The following NME8 variants were observed in gnomAD, a reference collection of about 807,000 sequenced individuals.
NME8 encodes NME/NM23 family member 8.
Under a neutral mutation model 82.3 loss-of-function variants are expected in NME8, and 72 were observed. The observed-to-expected ratio is 0.87, with a 90% CI of 0.72 to 1.06. The LOEUF (loss-of-function observed/expected upper bound fraction) is 1.06. NME8 is among the 50% of genes least tolerant of loss of function. The probability of loss-of-function intolerance (pLI) is 0.00; values close to 1 mark genes in which losing one functional copy is unlikely to be tolerated. For synonymous variants in NME8, 267 were observed against 228.5 expected, an observed-to-expected ratio of 1.17 and a Z score of -1.52; for missense variants, 712 against 685.4, an observed-to-expected ratio of 1.04 and a Z score of -0.43.
At chr7:37,875,442 C>T (rs1784833280) in intron 11 of NME8, among the ~76,000 whole-genome samples, 1 of 148,282 alleles carries the variant, frequency 6.7e-6, no homozygotes, top group African/African-American at 2.4e-5. Flanking sequence ...CCATAGCCCC[C>T]ACACACATTG....
intron 12 of NME8, among the ~76,000 whole-genome samples, chr7:37,882,611 GAGAGAAAGAA>G (rs1224188832): frequency 3.7e-3 from 181 of 49,222 alleles, no homozygotes; most frequent in Admixed American, 0.02. Context: ...GAGAGAGAGA[GAGAGAAAGAA>G]AGAAAGAAAG....
intron 14 of NME8, among the ~76,000 whole-genome samples, chr7:37,888,042 C>A (rs1380969902): frequency 6.6e-6 from 1 of 152,138 alleles, no homozygotes; most frequent in Non-Finnish European, 1.5e-5. Context: ...TCATAGTTAT[C>A]TGTTAATATT....
chr7:37,885,062 C>A (rs1259433596), intron 13 of NME8, 83 bp from the exon 14 acceptor site: 8 of 812,586 alleles, frequency 9.8e-6, no homozygotes, highest in Non-Finnish European at 1.7e-5. Context: ...ATCTATTTAA[C>A]AATATGCATT....
intron 5 of NME8, among the ~76,000 whole-genome samples, chr7:37,855,937 TAA>T (rs34245429): frequency 3.4e-5 from 5 of 147,580 alleles, no homozygotes; most frequent in African/African-American, 1.2e-4. Context: ...GAACTTCCTT[TAA>T]AAAAAAAAAC....
In NME8 at chr7:37,876,854, C is replaced by G; in HGVS notation, c.841C>G (p.Gln281Glu). Residue 281 changes from glutamine (Q) to glutamate (E), a missense_variant, in exon 12 of 18, where the codon CAA (glutamine) becomes GAA (glutamate). By Grantham distance (29) the Gln-to-Glu change is conservative. Transcript: ENST00000199447. ...QDSLQEYLER[Q>E]HLAQLCDIEE... Reference sequence around the variant, plus strand: ...CAGTTTACAAGAATATCTGGAAAGACAACATTTAGCTCAGCTCTGTGACAT... The same window carrying G: ...CAGTTTACAAGAATATCTGGAAAGAGAACATTTAGCTCAGCTCTGTGACAT... 6.2e-7 allele frequency: 1 copy of G among 1,612,292 alleles called. No individual in the cohort carries two copies. The highest frequency in any genetic ancestry group is 2.2e-5 in the East Asian group (1 of 44,678).
intron 11 of NME8, among the ~76,000 whole-genome samples, chr7:37,868,232 T>A (rs1562832865): frequency 6.6e-6 from 1 of 152,048 alleles, no homozygotes; most frequent in Non-Finnish European, 1.5e-5. Flanking sequence ...GAGCTCGCCA[T>A]GGTGGATTTT....
In NME8 at chr7:37,850,685, A is replaced by G. The variant is rs766786157; in HGVS notation, c.148A>G (p.Arg50Gly). ...TTGCAGAGCAATGCAACCTTTATTC[A>G]GAAAATTGAAAAATGAACTGAACGA... ...GPCRAMQPLFRKLKNELNEDE... is the reference protein window; with the variant it reads ...GPCRAMQPLFGKLKNELNEDE... The change falls in exon 5 of 18, where the codon AGA becomes GGA. Residue 50 changes from arginine (R) to glycine (G), a missense_variant. Arg to Gly is a moderately radical substitution (Grantham distance 125). Coordinates refer to ENST00000199447, the MANE Select transcript of NME8 (RefSeq NM_016616.5). The G allele has an allele frequency of 5.0e-6, 8 of 1,613,966 alleles. No individual in the cohort carries two copies. The South Asian group carries it at 8.8e-5, about 18-fold the overall frequency.
At position 37,888,245 on chromosome 7, in the gene NME8, A is replaced by G. The variant is rs201024692; in HGVS notation, c.1248-32A>G. 2.1e-4 allele frequency: 330 copies of G among 1,607,980 alleles called. No individual in the cohort carries two copies. In the African/African-American group the frequency reaches 4.2e-3, roughly 20 times the overall value. Reference sequence around the variant, plus strand: ...GTGTTATATTATTCTGTTCTGTTCTAATAGCTTTTAAACCTGACTTCTTTT... The same window carrying G: ...GTGTTATATTATTCTGTTCTGTTCTGATAGCTTTTAAACCTGACTTCTTTT... On this transcript the variant is annotated intron_variant, in intron 14 of 17. Coordinates refer to ENST00000199447, the MANE Select transcript of NME8 (RefSeq NM_016616.5).
intron 16 of NME8, among the ~76,000 whole-genome samples, chr7:37,895,049 A>G (rs977047606): frequency 3.3e-5 from 5 of 152,178 alleles, no homozygotes. Flanking sequence ...TATCTATCTA[A>G]TAGGCTTGTT....
chr7:37,899,693 G>T (rs1785284992), intron 17 of NME8, among the ~76,000 whole-genome samples: 1 of 151,864 alleles, frequency 6.6e-6, no homozygotes, highest in Admixed American at 6.6e-5. Context: ...TAAAGTTGAA[G>T]AAAAAAGTAG....
At chr7:37,895,237 C>G (rs1303771920) in intron 16 of NME8, among the ~76,000 whole-genome samples, 2 of 152,120 alleles carry the variant, frequency 1.3e-5, no homozygotes, top group East Asian at 3.8e-4. Flanking sequence ...TCTTTTAAAA[C>G]TTCTTTCTAC....
intron 12 of NME8, among the ~76,000 whole-genome samples, chr7:37,882,383 A>C (rs980585986): frequency 6.6e-6 from 1 of 151,956 alleles, no homozygotes; most frequent in African/African-American, 2.4e-5. Context: ...GCTGCTGGGG[A>C]GGCTGAGGCA....
chr7:37,894,763 T>C (rs1430277479), intron 16 of NME8, among the ~76,000 whole-genome samples, 153 bp downstream of exon 16: 3 of 152,094 alleles, frequency 2.0e-5, no homozygotes, highest in African/African-American at 4.8e-5. Context: ...TTTTTTCTAT[T>C]TCCTTACCTC....
intron 14 of NME8, among the ~76,000 whole-genome samples, chr7:37,887,041 C>T (rs533590648): frequency 1.6e-4 from 24 of 151,958 alleles, no homozygotes; most frequent in Middle Eastern, 3.2e-3. Context: ...GGGTTGATTG[C>T]CCTGGACTGT....
At chr7:37,873,466 G>A (rs1373992670) in intron 11 of NME8, among the ~76,000 whole-genome samples, 1 of 149,942 alleles carries the variant, frequency 6.7e-6, no homozygotes, top group African/African-American at 2.5e-5. Context: ...GGAAACAAGT[G>A]ATAGATGAAT....
chr7:37,877,068 A>G lies in NME8; in HGVS notation c.994+61A>G, dbSNP rs563435293. ...TATAGATGAGATTTGAATAAACCCTAGTATAATTGCATTTAAAGACATTGT... is the reference window on the plus strand; with the variant it reads ...TATAGATGAGATTTGAATAAACCCTGGTATAATTGCATTTAAAGACATTGT... On this transcript the variant is annotated intron_variant, in intron 12 of 17. Transcript: ENST00000199447. The G allele has an allele frequency of 1.7e-3, 2,289 of 1,334,888 alleles. 2 individuals are homozygous for G. The highest frequency in any genetic ancestry group is 2.2e-3 in the Non-Finnish European group (2,014 of 936,730). 82.7% of individuals were successfully genotyped at this position (1,334,888 alleles called of 1,614,324 possible). A position where few individuals can be genotyped will look rare whatever the true frequency, so the allele number is the denominator to read the frequency against.
chr7:37,863,515 A>G, intron 8 of NME8, 53 bp downstream of exon 8: 1 of 923,410 alleles, frequency 1.1e-6, no homozygotes, highest in South Asian at 1.3e-5. Context: ...GTGGGCGGTC[A>G]TCACAGCATC....
chr7:37,882,450 G>GC (rs1201211840), intron 12 of NME8, among the ~76,000 whole-genome samples: 1 of 151,316 alleles, frequency 6.6e-6, no homozygotes, highest in Non-Finnish European at 1.5e-5. Flanking sequence ...TGGTGCTACT[G>GC]CACCCCAGCC....
intron 13 of NME8, 53 bp from the exon 14 acceptor site, chr7:37,885,092 T>C: frequency 9.4e-7 from 1 of 1,067,262 alleles, no homozygotes; most frequent in South Asian, 1.3e-5. Flanking sequence ...TATACATAAT[T>C]AGCTACTGAG....
Sources: gnomAD v4.1 joint callset for allele counts (sites outside exome capture counted in the v4.1 genomes callset) on GRCh38, gnomAD v4.1.1 for gene constraint, MANE v1.5 for transcripts, NCBI Gene and HGNC (gene_info 2026-07-23, HGNC 2026-07-21) for gene names.